The following AMOTL1 variants were observed in gnomAD, a reference collection of about 807,000 sequenced individuals.
AMOTL1 encodes angiomotin like 1.
A neutral mutation model predicts 102.9 loss-of-function variants in AMOTL1; 45 were observed. That is an observed-to-expected ratio of 0.44 (90% CI 0.34 to 0.56). The LOEUF is 0.56. AMOTL1 is among the 20% of genes least tolerant of loss of function. The pLI, the probability that AMOTL1 is intolerant of heterozygous loss-of-function variation, is 0.01. For synonymous variants in AMOTL1, 481 were observed against 484.7 expected, an observed-to-expected ratio of 0.99 and a Z score of 0.10; for missense variants, 1,114 against 1,225.6, an observed-to-expected ratio of 0.91 and a Z score of 1.36.
intron 3 of AMOTL1, among the ~76,000 whole-genome samples, chr11:94,751,306 T>C (rs1219027844): frequency 6.6e-6 from 1 of 152,090 alleles, no homozygotes; most frequent in Non-Finnish European, 1.5e-5. Context: ...CCATAAAAAC[T>C]CCTCTTTGCT....
At chr11:94,809,783 A>T (rs1951638732) in intron 3 of AMOTL1, among the ~76,000 whole-genome samples, 1 of 152,262 alleles carries the variant, frequency 6.6e-6, no homozygotes. Context: ...GAATACTTTT[A>T]AAACTAGCTT....
chr11:94,768,587 G>A, intron 1 of AMOTL1, 27 bp downstream of exon 1: 1 of 1,579,250 alleles, frequency 6.3e-7, no homozygotes, highest in Non-Finnish European at 8.6e-7. Flanking sequence ...CGAGGTGCCG[G>A]GAGGGCGTCT....
In AMOTL1 at chr11:94,822,627, A is replaced by G. The variant is rs138322689; in HGVS notation, c.1413+806A>G. ...GCTTTCTGCATGTTTGTGACTTATC[A>G]GGTGGGGAGATGCTGAGTAATTCCA... On this transcript the variant is annotated intron_variant, in intron 4 of 12. Coordinates refer to ENST00000433060, the MANE Select transcript of AMOTL1 (RefSeq NM_130847.3). Among the ~76,000 whole-genome samples the G allele has an allele frequency of 3.9e-5, 6 of 152,316 alleles. No individual in the cohort carries two copies. The East Asian group carries it at 1.2e-3, about 29-fold the overall frequency.
intron 1 of AMOTL1, among the ~76,000 whole-genome samples, chr11:94,717,894 C>T (rs1950119836): frequency 6.6e-6 from 1 of 150,628 alleles, no homozygotes; most frequent in African/African-American, 2.4e-5. Flanking sequence ...TAAAGATGGC[C>T]AATAAACATA....
At chr11:94,716,181 TA>T (rs1404751583) in intron 1 of AMOTL1, among the ~76,000 whole-genome samples, 2 of 152,170 alleles carry the variant, frequency 1.3e-5, no homozygotes, top group African/African-American at 2.4e-5. Flanking sequence ...CTTTAAATTC[TA>T]TTTTCTGCAT....
chr11:94,763,784 G>A (rs1015997806), upstream of AMOTL1, among the ~76,000 whole-genome samples: 1 of 152,144 alleles, frequency 6.6e-6, no homozygotes, highest in Non-Finnish European at 1.5e-5. Context: ...GAAGAAGGGG[G>A]TGGGTTGGGC....
intron 3 of AMOTL1, among the ~76,000 whole-genome samples, chr11:94,750,875 T>C (rs1338339843): frequency 6.6e-6 from 1 of 152,202 alleles, no homozygotes; most frequent in Non-Finnish European, 1.5e-5. Flanking sequence ...CCATGATTAA[T>C]CTTGTTGGGC....
chr11:94,821,252 T>TA (rs1175004151), intron 3 of AMOTL1, among the ~76,000 whole-genome samples: 2 of 152,192 alleles, frequency 1.3e-5, no homozygotes, highest in East Asian at 1.9e-4. Context: ...GAGTACTTGT[T>TA]ACGTTTTGAT....
chr11:94,805,134 G>T (rs545208100), intron 3 of AMOTL1, among the ~76,000 whole-genome samples: 2 of 152,180 alleles, frequency 1.3e-5, no homozygotes, highest in African/African-American at 4.8e-5. Context: ...CAGTGGAGCC[G>T]CAGATTTAAG....
At position 94,869,495 on chromosome 11, in the gene AMOTL1, G is replaced by A. The variant is rs545863990; in HGVS notation, c.2764+22G>A. ...CTGGGTATGTGGGCTACCCCACCTTGATGCCCCTGAAAACTGTGGAACTGT... is the reference window on the plus strand; with the variant it reads ...CTGGGTATGTGGGCTACCCCACCTTAATGCCCCTGAAAACTGTGGAACTGT... On this transcript the variant is annotated intron_variant, in intron 12 of 12. Coordinates refer to ENST00000433060, the MANE Select transcript of AMOTL1 (RefSeq NM_130847.3). The A allele has an allele frequency of 3.8e-6, 6 of 1,569,842 alleles. No individual in the cohort carries two copies. In the African/African-American group the frequency reaches 8.1e-5, roughly 21 times the overall value.
At chr11:94,862,202 G>A (rs955149109) in intron 9 of AMOTL1, among the ~76,000 whole-genome samples, 2 of 152,116 alleles carry the variant, frequency 1.3e-5, no homozygotes, top group Admixed American at 6.5e-5. Context: ...TACCCCTTCT[G>A]GGTGGGGGAA....
At chr11:94,869,141 AT>A in intron 11 of AMOTL1, 56 bp from the exon 12 acceptor site, 4 of 1,474,182 alleles carry the variant, frequency 2.7e-6, no homozygotes, top group Non-Finnish European at 3.6e-6. Context: ...GCAAGACTAG[AT>A]TTAAAAAAAA....
intron 6 of AMOTL1, 100 bp downstream of exon 6, chr11:94,831,641 C>T: frequency 9.3e-7 from 1 of 1,072,040 alleles, no homozygotes; most frequent in Admixed American, 2.2e-5. Context: ...GTGCTGTTTG[C>T]TTTTTGTTTG....
intron 1 of AMOTL1, among the ~76,000 whole-genome samples, chr11:94,781,784 G>A (rs1336371044): frequency 3.3e-5 from 5 of 151,664 alleles, no homozygotes; most frequent in African/African-American, 7.3e-5. Context: ...GCAGTGAGCC[G>A]AGATCGTGCC....
At chr11:94,791,138 AAGAG>A (rs1411576293) in intron 1 of AMOTL1, among the ~76,000 whole-genome samples, 5 of 152,228 alleles carry the variant, frequency 3.3e-5, no homozygotes, top group Non-Finnish European at 5.9e-5. Context: ...GTCATGCTCA[AAGAG>A]AGAGAAGCAA....
In AMOTL1 at chr11:94,830,136, G is replaced by A. The variant is rs543424887; in HGVS notation, c.1500G>A (p.Met500Ile). ...AGCGAGAATCGCTGGACAAGGCCAT[G>A]AGAAACAAATTGGAAGGCGAGATTA... ...TTKRESLDKA[M>I]RNKLEGEIRR... The change falls in exon 5 of 13, where the codon ATG becomes ATA. Residue 500 changes from methionine (M) to isoleucine (I), a missense_variant. Physicochemically the swap from Met to Ile is conservative, Grantham distance 10 (BLOSUM62 1). Coordinates refer to ENST00000433060, the MANE Select transcript of AMOTL1 (RefSeq NM_130847.3). 1.2e-6 allele frequency: 2 copies of A among 1,611,266 alleles called. No homozygotes were observed. Among genetic ancestry groups the A allele is most frequent in the African/African-American group, 1.3e-5 (1 of 75,024 alleles).
chr11:94,715,970 T>G (rs1398611463), intron 1 of AMOTL1, among the ~76,000 whole-genome samples: 4 of 152,122 alleles, frequency 2.6e-5, no homozygotes, highest in African/African-American at 9.6e-5. Context: ...ATATTTCTTC[T>G]CTCTCTGAGA....
At chr11:94,777,955 G>A (rs1391390823) in intron 1 of AMOTL1, among the ~76,000 whole-genome samples, 1 of 152,122 alleles carries the variant, frequency 6.6e-6, no homozygotes, top group Non-Finnish European at 1.5e-5. Context: ...CCAGGAACTG[G>A]GCTAGGTGTG....
At chr11:94,761,368 T>C (rs1367922739) in intron 3 of AMOTL1, among the ~76,000 whole-genome samples, 1 of 151,948 alleles carries the variant, frequency 6.6e-6, no homozygotes, top group East Asian at 1.9e-4. Flanking sequence ...TTTGTATTTT[T>C]AGTAGAGACA....
Sources: allele counts gnomAD v4.1 joint callset (sites outside exome capture counted in the v4.1 genomes callset), GRCh38; gene constraint gnomAD v4.1.1; transcripts MANE v1.5; gene names NCBI Gene and HGNC (gene_info 2026-07-23, HGNC 2026-07-21).